Variants in PLCB1 observed in about 807,000 individuals in gnomAD.
PLCB1 encodes the protein phospholipase C beta 1, also known as 1-phosphatidylinositol 4,5-bisphosphate phosphodiesterase beta-1.
PLCB1 carries 46 observed loss-of-function variants against 161.8 expected under a neutral mutation model. The ratio of observed to expected loss-of-function variants is 0.28; its 90% CI spans 0.22 to 0.36. The LOEUF (loss-of-function observed/expected upper bound fraction) is 0.36, where lower values mean the gene tolerates loss of function less well. PLCB1 is among the 10% of genes least tolerant of loss of function. The pLI is 1.00. For missense variants in PLCB1, 1,016 were observed against 1,472.5 expected (o/e 0.69, Z 5.07); for synonymous variants, 517 against 503.7 (o/e 1.03, Z -0.35).
At chr20:8,637,324 A>G (rs1020229668) in intron 4 of PLCB1, among the ~76,000 whole-genome samples, 1 of 152,240 alleles carries the variant, frequency 6.6e-6, no homozygotes, top group Non-Finnish European at 1.5e-5. Flanking sequence ...TATAATTTTC[A>G]TTCATTCAAC....
chr20:8,591,649 G>T (rs1222881890), intron 3 of PLCB1, among the ~76,000 whole-genome samples: 1 of 152,126 alleles, frequency 6.6e-6, no homozygotes, highest in Admixed American at 6.5e-5. Context: ...TTTGAGACTT[G>T]CAATTGATAT....
At chr20:8,867,690 T>G (rs1987476451) in intron 31 of PLCB1, among the ~76,000 whole-genome samples, 1 of 152,204 alleles carries the variant, frequency 6.6e-6, no homozygotes, top group East Asian at 1.9e-4. Context: ...ACTTGCAGAC[T>G]CAGTTGGGCC....
chr20:8,315,664 T>C (rs1393247268), intron 2 of PLCB1, among the ~76,000 whole-genome samples: 1 of 152,212 alleles, frequency 6.6e-6, no homozygotes, highest in Non-Finnish European at 1.5e-5. Context: ...TGTAATTTTG[T>C]CACCTTACTG....
intron 3 of PLCB1, among the ~76,000 whole-genome samples, chr20:8,445,484 G>GCCTC (rs1453256709): frequency 6.6e-6 from 1 of 151,820 alleles, no homozygotes; most frequent in Non-Finnish European, 1.5e-5. Flanking sequence ...GTAGCATGAT[G>GCCTC]CCTCCAGCTT....
At chr20:8,846,403 G>T (rs1460742756) in intron 31 of PLCB1, among the ~76,000 whole-genome samples, 1 of 151,976 alleles carries the variant, frequency 6.6e-6, no homozygotes, top group Non-Finnish European at 1.5e-5. Context: ...TTTGGGTTTT[G>T]GTAGCACAAC....
At chr20:8,792,565 C>T (rs773353536) in intron 31 of PLCB1, 11 of 471,044 alleles carry the variant, frequency 2.3e-5, no homozygotes, top group South Asian at 1.7e-4. Context: ...GTTCTATTGT[C>T]TGCGTTTTTT....
intron 2 of PLCB1, among the ~76,000 whole-genome samples, chr20:8,312,445 C>G (rs957207523): frequency 3.3e-5 from 5 of 152,122 alleles, no homozygotes; most frequent in African/African-American, 1.2e-4. Context: ...GAGATCAAGG[C>G]TTGCATCTAA....
At chr20:8,147,592 T>A (rs909608488) in intron 1 of PLCB1, among the ~76,000 whole-genome samples, 5 of 152,126 alleles carry the variant, frequency 3.3e-5, no homozygotes, top group African/African-American at 1.2e-4. Context: ...GAATTGAAAA[T>A]AGACATTCAT....
chr20:8,534,438 G>A (rs1006702450), intron 3 of PLCB1, among the ~76,000 whole-genome samples: 1 of 152,164 alleles, frequency 6.6e-6, no homozygotes, highest in Admixed American at 6.5e-5. Flanking sequence ...CTGTCCTCAT[G>A]GTTTAGAGCA....
chr20:8,790,186 G>C lies in PLCB1; in HGVS notation c.3348G>C (p.Ala1116=), dbSNP rs587780417. 8.1e-6 allele frequency: 13 copies of C among 1,609,468 alleles called. No homozygotes were observed. The highest frequency in any genetic ancestry group is 1.3e-5 in the African/African-American group (1 of 74,840). ...TAACTTTCTTATAGCTAGAAGAAGC[G>C]CAAAGTAAACGGCAAGAAAAACTCG... The part of the protein sequence containing the change: ...VVQYIKRLEE[A]QSKRQEKLVE... Residue 1116 remains alanine (A), a synonymous_variant, in exon 31 of 32, where the codon GCG becomes GCC. Coordinates refer to ENST00000338037, the MANE Select transcript of PLCB1 (RefSeq NM_015192.4).
intron 15 of PLCB1, among the ~76,000 whole-genome samples, chr20:8,724,251 A>G (rs1429350976): frequency 6.6e-6 from 1 of 151,914 alleles, no homozygotes; most frequent in African/African-American, 2.4e-5. Context: ...CTTAGACAAC[A>G]CCTATGGACA....
At chr20:8,469,349 A>G (rs1033009508) in intron 3 of PLCB1, among the ~76,000 whole-genome samples, 14 of 152,202 alleles carry the variant, frequency 9.2e-5, no homozygotes, top group Admixed American at 8.5e-4. Context: ...AATGACTTAT[A>G]TGCCAAAATG....
chr20:8,543,620 C>CAAA (rs60587265), intron 3 of PLCB1, among the ~76,000 whole-genome samples: 1 of 129,572 alleles, frequency 7.7e-6, no homozygotes, highest in Non-Finnish European at 1.6e-5. Context: ...CAAAGAGTTC[C>CAAA]AAAAAAAAAA....
intron 11 of PLCB1, among the ~76,000 whole-genome samples, chr20:8,699,341 A>G (rs1280648284): frequency 2.6e-5 from 4 of 152,216 alleles, no homozygotes; most frequent in African/African-American, 4.8e-5. Flanking sequence ...ATATGGGATG[A>G]ATTCAATGTT....
intron 2 of PLCB1, among the ~76,000 whole-genome samples, chr20:8,277,883 A>G (rs2123277790): frequency 6.6e-6 from 1 of 152,264 alleles, no homozygotes; most frequent in South Asian, 2.1e-4. Flanking sequence ...CAGAAAGAGC[A>G]CTAGCATTGC....
At chr20:8,731,857 T>C (rs1016869283) in intron 18 of PLCB1, among the ~76,000 whole-genome samples, 2 of 149,234 alleles carry the variant, frequency 1.3e-5, no homozygotes, top group African/African-American at 4.9e-5. Context: ...GACATCATAG[T>C]TATGTTTATA....
At position 8,548,751 on chromosome 20, in the gene PLCB1, T is replaced by C. The variant is rs572997596; in HGVS notation, c.247-79543T>C. Among the ~76,000 whole-genome samples the C allele has an allele frequency of 1.0e-4, 12 of 118,930 alleles. No individual in the cohort carries two copies. In the East Asian group the frequency reaches 1.7e-3, roughly 17 times the overall value. 78.0% of individuals were successfully genotyped at this position (118,930 alleles called of 152,430 possible). A position where few individuals can be genotyped will look rare whatever the true frequency, so the allele number is the denominator to read the frequency against. On this transcript the variant is annotated intron_variant, in intron 3 of 31. Coordinates refer to ENST00000338037, the MANE Select transcript of PLCB1 (RefSeq NM_015192.4). The stretch of plus-strand genomic sequence containing the variant: ...CCGTGAGAACAGTGGTTGTATTTGG[T>C]ATTACTTAATTTTATGTTCCATGTT...
At chr20:8,717,541 T>A in intron 13 of PLCB1, 130 bp from the exon 14 acceptor site, 1 of 618,230 alleles carries the variant, frequency 1.6e-6, no homozygotes, top group South Asian at 2.8e-5. Context: ...ACACTAAGAG[T>A]TTAATGAGCA....
At chr20:8,532,936 A>C (rs186771245) in intron 3 of PLCB1, among the ~76,000 whole-genome samples, 14 of 152,130 alleles carry the variant, frequency 9.2e-5, no homozygotes, top group Non-Finnish European at 1.6e-4. Context: ...ATATGTATAC[A>C]TGTGCCATGC....
Sources: gnomAD v4.1 joint callset for allele counts (sites outside exome capture counted in the v4.1 genomes callset) on GRCh38, gnomAD v4.1.1 for gene constraint, MANE v1.5 for transcripts, NCBI Gene and HGNC (gene_info 2026-07-23, HGNC 2026-07-21) for gene names.